The following XRCC1 variants were observed in gnomAD, a reference collection of about 807,000 sequenced individuals.
XRCC1 encodes the protein DNA repair protein XRCC1.
A neutral mutation model predicts 83.3 loss-of-function variants in XRCC1; 52 were observed. The observed-to-expected ratio is 0.62, with a 90% CI of 0.50 to 0.79. The LOEUF (loss-of-function observed/expected upper bound fraction) is 0.79, where lower values mean the gene tolerates loss of function less well. Among genes scored for constraint, XRCC1 ranks in the 30% least tolerant of loss-of-function variants. The pLI is 0.00. For synonymous variants in XRCC1, 281 were observed against 312.6 expected (o/e 0.90, Z 1.07); for missense variants, 793 against 823.5 (o/e 0.96, Z 0.45).
At chr19:43,565,984 T>C in intron 2 of XRCC1, among the ~76,000 whole-genome samples, 1 of 148,018 alleles carries the variant, frequency 6.8e-6, no homozygotes, top group Non-Finnish European at 1.5e-5. Context: ...ACCTGTAATC[T>C]CAGCACTTTG....
chr19:43,554,586 C>A, intron 4 of XRCC1, 60 bp downstream of exon 4: 1 of 1,543,166 alleles, frequency 6.5e-7, no homozygotes, highest in Non-Finnish European at 8.8e-7. Context: ...CAATATTGGC[C>A]CTTATTTCCC....
chr19:43,575,506 G>A lies in XRCC1; in HGVS notation c.-48C>T. On this transcript the variant is annotated 5_prime_UTR_variant, in exon 1 of 17. Transcript: ENST00000262887. ...GGCCAGAAGGATGAGGTAGAGTATG[G>A]GGTCCGAGGGGCAGGGAGAGTGGGA... The A allele has an allele frequency of 1.9e-6, 3 of 1,593,436 alleles. No homozygotes were observed. The highest frequency in any genetic ancestry group is 2.6e-6 in the Non-Finnish European group (3 of 1,165,168).
At chr19:43,552,758 C>T in intron 8 of XRCC1, 39 bp downstream of exon 8, 1 of 1,544,958 alleles carries the variant, frequency 6.5e-7, no homozygotes, top group Non-Finnish European at 8.7e-7. Flanking sequence ...GACACAGGAG[C>T]ACAGGCCCCT....
At chr19:43,564,286 T>C (rs1440757503) in intron 2 of XRCC1, among the ~76,000 whole-genome samples, 1 of 152,196 alleles carries the variant, frequency 6.6e-6, no homozygotes, top group Non-Finnish European at 1.5e-5. Context: ...CAGAAGTTAC[T>C]ACTCAAGAGT....
chr19:43,575,430 A>ACGACATGGCGGAGGCGGATCTC lies in XRCC1; in HGVS notation c.7_28dup (p.Val10GlyfsTer61). On this transcript the variant is annotated frameshift_variant, in exon 1 of 17. Coordinates refer to ENST00000262887, the MANE Select transcript of XRCC1 (RefSeq NM_006297.3). LOFTEE classifies it high-confidence loss of function. ...CACCGAGTCCTGGCTGCTGCAGGAC[A>ACGACATGGCGGAGGCGGATCTC]CGACATGGCGGAGGCGGATCTCCGG... 5 of 1,611,794 alleles carry ACGACATGGCGGAGGCGGATCTC rather than the reference A, an allele frequency of 3.1e-6. No individual in the cohort carries two copies. Among genetic ancestry groups the ACGACATGGCGGAGGCGGATCTC allele is most frequent in the Non-Finnish European group, 4.2e-6 (5 of 1,178,284 alleles).
Position 43,546,098 on chromosome 19 carries a change from C to T in XRCC1, c.1435G>A (p.Asp479Asn). 6.2e-7 allele frequency: 1 copy of T among 1,613,498 alleles called. No individual in the cohort carries two copies. Among genetic ancestry groups the T allele is most frequent in the South Asian group, 1.1e-5 (1 of 91,066 alleles). Reference sequence around the variant, plus strand: ...TCCCCAGAATCTTCCGCCCCATTGTCCTGTCCTTCTGCAAGTAGAAGCTCA... The same window carrying T: ...TCCCCAGAATCTTCCGCCCCATTGTTCTGTCCTTCTGCAAGTAGAAGCTCA... ...DIEGVQSEGQ[D>N]NGAEDSGDTE... Residue 479 changes from aspartate to asparagine, a missense_variant, in exon 13 of 17, where the codon GAC becomes AAC. Asp to Asn is a conservative substitution (Grantham distance 23). Coordinates refer to ENST00000262887, the MANE Select transcript of XRCC1 (RefSeq NM_006297.3).
chr19:43,558,016 T>C (rs1568515518), intron 3 of XRCC1, among the ~76,000 whole-genome samples: 2 of 152,202 alleles, frequency 1.3e-5, no homozygotes, highest in African/African-American at 4.8e-5. Context: ...AGAAGTGATG[T>C]GTAATATACA....
intron 9 of XRCC1, 114 bp downstream of exon 9, chr19:43,551,899 CAAGT>C (rs1885903203): frequency 8.1e-6 from 10 of 1,233,740 alleles, no homozygotes; most frequent in Non-Finnish European, 1.2e-5. Flanking sequence ...AGAAAGAAAG[CAAGT>C]GAGAGAGAGA....
chr19:43,572,879 C>T (rs1972817672), intron 2 of XRCC1, among the ~76,000 whole-genome samples: 1 of 149,870 alleles, frequency 6.7e-6, no homozygotes, highest in Non-Finnish European at 1.5e-5. Flanking sequence ...TATTAACTTA[C>T]ACTGTAATAA....
chr19:43,566,323 G>A (rs1172010766), intron 2 of XRCC1, among the ~76,000 whole-genome samples: 5 of 151,426 alleles, frequency 3.3e-5, no homozygotes, highest in Non-Finnish European at 7.4e-5. Flanking sequence ...ACAAGGTCAG[G>A]AGAGTTCAAG....
At chr19:43,575,291 C>T (rs1972845320) in intron 1 of XRCC1, 117 bp downstream of exon 1, 3 of 1,189,216 alleles carry the variant, frequency 2.5e-6, no homozygotes, top group Non-Finnish European at 3.5e-6. Flanking sequence ...CTTTTAGCCT[C>T]CTGGAAATCC....
At position 43,552,161 on chromosome 19, in the gene XRCC1, G is replaced by A; in HGVS notation, c.938C>T (p.Pro313Leu). ...GTEPRRPRAG[P>L]EELGKILQGV... ...CTGAAGGATCTTCCCCAGCTCCTCT[G>A]GGCCAGCTCGGGGTCGTCTGGGCTC... The change falls in exon 9 of 17, where the codon CCA (proline) becomes CTA (leucine). Residue 313 changes from proline to leucine, a missense_variant. Pro to Leu is a moderately conservative substitution (Grantham distance 98, BLOSUM62 -3). Coordinates refer to ENST00000262887, the MANE Select transcript of XRCC1 (RefSeq NM_006297.3). 1 of 1,614,074 alleles carries A rather than the reference G, an allele frequency of 6.2e-7. No individual in the cohort carries two copies. The highest frequency in any genetic ancestry group is 8.5e-7 in the Non-Finnish European group (1 of 1,179,978).
At chr19:43,562,813 C>T (rs550906502) in intron 2 of XRCC1, among the ~76,000 whole-genome samples, 23 of 152,326 alleles carry the variant, frequency 1.5e-4, no homozygotes, top group African/African-American at 2.2e-4. Flanking sequence ...ACCACAACTG[C>T]GGCCAACATC....
intron 9 of XRCC1, 77 bp from the exon 10 acceptor site, chr19:43,551,764 C>G (rs1261550755): frequency 2.9e-6 from 3 of 1,045,668 alleles, no homozygotes; most frequent in East Asian, 2.8e-5. Flanking sequence ...GGGAGACAGA[C>G]AGAGAGAGAG....
At position 43,553,376 on chromosome 19, in the gene XRCC1, C is replaced by T. The variant is rs1799779; in HGVS notation, c.601+25G>A. The T allele has an allele frequency of 0.018, 28,416 of 1,612,096 alleles. 349 individuals carry two copies. Among genetic ancestry groups the T allele is most frequent in the Non-Finnish European group, 0.021 (24,710 of 1,178,334 alleles). The stretch of plus-strand genomic sequence containing the variant: ...AGTCTAGGTCTCAACCCTACTCACT[C>T]AGGACCCACGTTGTCCGAGCTCACC... On this transcript the variant is annotated intron_variant, in intron 6 of 16. Coordinates refer to ENST00000262887, the MANE Select transcript of XRCC1 (RefSeq NM_006297.3).
intron 3 of XRCC1, among the ~76,000 whole-genome samples, chr19:43,559,890 G>A (rs1009042963): frequency 5.9e-5 from 9 of 151,956 alleles, no homozygotes; most frequent in African/African-American, 2.2e-4. Context: ...GACCAGCCTG[G>A]GCAACACAGT....
intron 3 of XRCC1, among the ~76,000 whole-genome samples, chr19:43,560,386 C>T (rs1274414752): frequency 1.4e-5 from 2 of 147,922 alleles, no homozygotes; most frequent in Non-Finnish European, 3.0e-5. Context: ...GGCGACAGAG[C>T]GAGACTCCGT....
intron 2 of XRCC1, among the ~76,000 whole-genome samples, chr19:43,565,169 C>CTGTGGGCCATT (rs1972740288): frequency 1.3e-5 from 2 of 152,210 alleles, no homozygotes; most frequent in Admixed American, 1.3e-4. Context: ...ATCAAACCCA[C>CTGTGGGCCATT]AGAGCTCCTT....
chr19:43,544,038 A>T, intron 15 of XRCC1, 106 bp downstream of exon 15: 2 of 1,136,732 alleles, frequency 1.8e-6, no homozygotes, highest in Non-Finnish European at 2.5e-6. Flanking sequence ...GCCCTTCTCC[A>T]TCCTCCTGAT....
Sources: allele counts gnomAD v4.1 joint callset (sites outside exome capture counted in the v4.1 genomes callset), GRCh38; gene constraint gnomAD v4.1.1; transcripts MANE v1.5; gene names NCBI Gene and HGNC (gene_info 2026-07-23, HGNC 2026-07-21).